Variants in MACROD2 observed in about 807,000 individuals in gnomAD.
MACROD2 encodes ADP-ribose glycohydrolase MACROD2.
In MACROD2, 36 loss-of-function variants were observed where a neutral mutation model predicts 70.4. That is an observed-to-expected ratio of 0.51 (90% CI 0.39 to 0.68). MACROD2 has a LOEUF of 0.68. MACROD2 is among the 30% of genes least tolerant of loss of function. MACROD2 has a pLI of 0.00. For synonymous variants in MACROD2, 172 were observed against 178.8 expected (o/e 0.96, Z 0.30); for missense variants, 496 against 538.4 (o/e 0.92, Z 0.78).
In MACROD2 at chr20:14,843,653, G is replaced by A. The variant is rs145989489; in HGVS notation, c.418+158694G>A. Among the ~76,000 whole-genome samples, 165 of 152,008 alleles carry A rather than the reference G, an allele frequency of 1.1e-3. 1 individual carries two copies. Among genetic ancestry groups the A allele is most frequent in the Middle Eastern group, 3.4e-3 (1 of 294 alleles). ...AAAGGCAACTGGTAAACACTGCCTCGCTTTTGTTTACCTCCTTTCTTTTTG... is the reference window on the plus strand; with the variant it reads ...AAAGGCAACTGGTAAACACTGCCTCACTTTTGTTTACCTCCTTTCTTTTTG... On this transcript the variant is annotated intron_variant, in intron 5 of 17. Coordinates refer to ENST00000684519, the MANE Select transcript of MACROD2 (RefSeq NM_001351661.2).
intron 6 of MACROD2, among the ~76,000 whole-genome samples, chr20:15,278,087 G>T (rs1482769960): frequency 2.6e-5 from 4 of 152,156 alleles, no homozygotes; most frequent in Admixed American, 2.6e-4. Flanking sequence ...TGATAGCAAG[G>T]TATATTGAAA....
At chr20:15,818,726 A>T (rs1600942630) in intron 8 of MACROD2, among the ~76,000 whole-genome samples, 1 of 150,256 alleles carries the variant, frequency 6.7e-6, no homozygotes. Flanking sequence ...TCTGGTTGAA[A>T]CTCCTCTGAA....
intron 3 of MACROD2, among the ~76,000 whole-genome samples, chr20:14,135,057 A>G (rs1480581461): frequency 6.6e-6 from 1 of 152,138 alleles, no homozygotes; most frequent in Admixed American, 6.5e-5. Context: ...AATATATGAT[A>G]TAAATTCCCA....
chr20:15,031,806 A>C (rs1218689917), intron 5 of MACROD2, among the ~76,000 whole-genome samples: 2 of 152,122 alleles, frequency 1.3e-5, no homozygotes, highest in Non-Finnish European at 2.9e-5. Flanking sequence ...CTCCACCCAG[A>C]AATGGCAGCC....
chr20:14,647,416 G>T, intron 4 of MACROD2, among the ~76,000 whole-genome samples: 1 of 152,080 alleles, frequency 6.6e-6, no homozygotes, highest in Admixed American at 6.6e-5. Flanking sequence ...AACCTTGGGG[G>T]TGGTGTAATG....
chr20:15,818,821 T>C (rs551205488), intron 8 of MACROD2, among the ~76,000 whole-genome samples: 3 of 152,326 alleles, frequency 2.0e-5, no homozygotes, highest in African/African-American at 7.2e-5. Context: ...GACCACGCTC[T>C]AATGATAGCA....
chr20:15,253,771 C>T (rs911930246), intron 6 of MACROD2, among the ~76,000 whole-genome samples: 7 of 152,132 alleles, frequency 4.6e-5, no homozygotes, highest in Admixed American at 6.6e-5. Flanking sequence ...AAGAGAGAAT[C>T]GACTGAGCTA....
At chr20:15,823,694 A>G (rs2063966331) in intron 8 of MACROD2, among the ~76,000 whole-genome samples, 1 of 152,198 alleles carries the variant, frequency 6.6e-6, no homozygotes, top group Non-Finnish European at 1.5e-5. Flanking sequence ...TGCAGCTTCC[A>G]TACTGGAGGT....
intron 8 of MACROD2, among the ~76,000 whole-genome samples, chr20:15,708,910 A>G (rs569924108): frequency 1.3e-5 from 2 of 152,210 alleles, no homozygotes; most frequent in South Asian, 2.1e-4. Flanking sequence ...CTTGTAGTCT[A>G]AGCAACTCAG....
intron 8 of MACROD2, among the ~76,000 whole-genome samples, chr20:15,722,963 T>C (rs1052758925): frequency 2.6e-5 from 4 of 152,202 alleles, no homozygotes; most frequent in African/African-American, 9.7e-5. Flanking sequence ...CCATTGATAC[T>C]TACTAATAAG....
chr20:15,526,123 G>T (rs7273284), intron 8 of MACROD2, among the ~76,000 whole-genome samples: 2 of 152,088 alleles, frequency 1.3e-5, no homozygotes, highest in African/African-American at 4.8e-5. Context: ...ACAAAGGCAA[G>T]GACTATGGTT....
chr20:15,970,487 A>C (rs1333434708), intron 13 of MACROD2, among the ~76,000 whole-genome samples: 1 of 151,244 alleles, frequency 6.6e-6, no homozygotes, highest in Non-Finnish European at 1.5e-5. Context: ...GAAACTTTGT[A>C]AGTCTCAGTG....
At chr20:14,017,286 T>G (rs2053006981) in intron 2 of MACROD2, among the ~76,000 whole-genome samples, 1 of 152,156 alleles carries the variant, frequency 6.6e-6, no homozygotes, top group Admixed American at 6.5e-5. Flanking sequence ...GTTTTACATC[T>G]TCCTTTCTAG....
chr20:15,155,544 A>G (rs965203089), intron 5 of MACROD2, among the ~76,000 whole-genome samples: 9 of 152,086 alleles, frequency 5.9e-5, no homozygotes, highest in African/African-American at 2.2e-4. Context: ...TCAGGAACTT[A>G]CTGACTCTTC....
intron 10 of MACROD2, among the ~76,000 whole-genome samples, chr20:15,903,369 C>G (rs936535446): frequency 6.6e-6 from 1 of 152,076 alleles, no homozygotes; most frequent in Admixed American, 6.5e-5. Context: ...CCCCAATGAT[C>G]GAGGCGTCTG....
intron 8 of MACROD2, among the ~76,000 whole-genome samples, chr20:15,530,468 C>T (rs1007343897): frequency 1.3e-5 from 2 of 152,094 alleles, no homozygotes; most frequent in South Asian, 2.1e-4. Context: ...CATGGTGGCT[C>T]ACGCCTGTAA....
chr20:15,402,851 G>A (rs1354498803), intron 6 of MACROD2, among the ~76,000 whole-genome samples: 1 of 152,150 alleles, frequency 6.6e-6, no homozygotes, highest in African/African-American at 2.4e-5. Context: ...TTAACTTTCT[G>A]TGTATGGAAG....
chr20:15,713,986 T>TGCGC (rs1267445933), intron 8 of MACROD2, among the ~76,000 whole-genome samples: 1 of 97,418 alleles, frequency 1.0e-5, no homozygotes, highest in South Asian at 3.3e-4. Flanking sequence ...CACACACATA[T>TGCGC]GCACACACAC....
intron 15 of MACROD2, among the ~76,000 whole-genome samples, chr20:15,989,941 C>T (rs970653648): frequency 6.6e-6 from 1 of 152,000 alleles, no homozygotes; most frequent in Admixed American, 6.6e-5. Flanking sequence ...TCTTCTATGG[C>T]TCCCAGGTAT....
Sources: gnomAD v4.1 joint callset for allele counts (sites outside exome capture counted in the v4.1 genomes callset) on GRCh38, gnomAD v4.1.1 for gene constraint, MANE v1.5 for transcripts, NCBI Gene and HGNC (gene_info 2026-07-23, HGNC 2026-07-21) for gene names.